The following SESTD1 variants were observed in gnomAD, a reference collection of about 807,000 sequenced individuals.
SESTD1 encodes the protein SEC14 and spectrin domain containing 1, also known as SEC14 domain and spectrin repeat-containing protein 1.
A neutral mutation model predicts 101.7 loss-of-function variants in SESTD1; 43 were observed. That is an observed-to-expected ratio of 0.42 (90% CI 0.33 to 0.55). The LOEUF (loss-of-function observed/expected upper bound fraction) is 0.55. SESTD1 is among the 20% of genes least tolerant of loss of function. The pLI is 0.07. For synonymous variants in SESTD1, 283 were observed against 286.8 expected (o/e 0.99, Z 0.13); for missense variants, 647 against 815.1 (o/e 0.79, Z 2.51).
At chr2:179,263,469 T>C (rs1035130983) in intron 1 of SESTD1, among the ~76,000 whole-genome samples, 3 of 152,132 alleles carry the variant, frequency 2.0e-5, no homozygotes, top group Non-Finnish European at 4.4e-5. Context: ...TAGGTATGTA[T>C]AAGGATTAGG....
At chr2:179,169,495 G>A (rs1200992801) in intron 5 of SESTD1, among the ~76,000 whole-genome samples, 1 of 152,038 alleles carries the variant, frequency 6.6e-6, no homozygotes, top group Non-Finnish European at 1.5e-5. Context: ...ATAACAGTTG[G>A]AGGTTGCAAT....
In SESTD1 at chr2:179,158,033, A is replaced by G. The variant is rs536911825; in HGVS notation, c.370-6642T>C. ...CAAATGATTTCCAAACCCTTTTACT[A>G]GGGAAAAAACACCATTATTTTACAA... is the stretch of plus-strand genomic sequence containing the variant. On this transcript the variant is annotated intron_variant, in intron 5 of 17. Coordinates refer to ENST00000428443, the MANE Select transcript of SESTD1 (RefSeq NM_178123.5). Among the ~76,000 whole-genome samples the G allele has an allele frequency of 2.0e-5, 3 of 152,240 alleles. No homozygotes were observed. The South Asian group carries it at 6.2e-4, about 32-fold the overall frequency.
chr2:179,155,927 A>G (rs1575448486), intron 5 of SESTD1, among the ~76,000 whole-genome samples: 1 of 152,040 alleles, frequency 6.6e-6, no homozygotes, highest in Non-Finnish European at 1.5e-5. Context: ...AGTCTATTTT[A>G]TCATTCTTAT....
At chr2:179,127,128 A>C (rs2044891436) in intron 10 of SESTD1, among the ~76,000 whole-genome samples, 1 of 152,016 alleles carries the variant, frequency 6.6e-6, no homozygotes, top group Non-Finnish European at 1.5e-5. Flanking sequence ...ACTTCCTCTA[A>C]AACTTTATTT....
chr2:179,124,317 T>C (rs766039179), intron 11 of SESTD1, 47 bp downstream of exon 11: 178 of 1,556,130 alleles, frequency 1.1e-4, no homozygotes, highest in Non-Finnish European at 1.1e-4. Context: ...TGTAGGTAAG[T>C]GTTCAGATAA....
chr2:179,248,619 C>T (rs1365947798), intron 1 of SESTD1, among the ~76,000 whole-genome samples: 1 of 151,462 alleles, frequency 6.6e-6, no homozygotes, highest in Non-Finnish European at 1.5e-5. Context: ...ATCACATAAT[C>T]ATGAACTCTT....
intron 9 of SESTD1, among the ~76,000 whole-genome samples, chr2:179,136,631 A>C (rs2045151796): frequency 1.3e-5 from 2 of 152,192 alleles, no homozygotes; most frequent in South Asian, 4.1e-4. Flanking sequence ...AAGTTCTAAA[A>C]ATAAAAGTGG....
intron 1 of SESTD1, among the ~76,000 whole-genome samples, chr2:179,232,969 A>G (rs2047008089): frequency 6.6e-6 from 1 of 152,210 alleles, no homozygotes; most frequent in South Asian, 2.1e-4. Context: ...TTCTGTGTAT[A>G]GCTTTCTGTA....
intron 5 of SESTD1, among the ~76,000 whole-genome samples, chr2:179,164,929 G>A (rs1294009597): frequency 6.6e-6 from 1 of 152,090 alleles, no homozygotes; most frequent in African/African-American, 2.4e-5. Flanking sequence ...TCTTAACGAA[G>A]TTTTTAAAAT....
In SESTD1 at chr2:179,261,988, T is replaced by C. The variant is rs146923463; in HGVS notation, c.-26+2511A>G. ...AACCCAAATGCCCATCAGTTGAAGA[T>C]TGGATAAACAAAATGTGGCATAGCC... On this transcript the variant is annotated intron_variant, in intron 1 of 17. Transcript: ENST00000428443. 4.5e-3 allele frequency among the ~76,000 whole-genome samples: 679 copies of C among 152,230 alleles called. 7 individuals carry two copies. The highest frequency in any genetic ancestry group is 0.015 in the African/African-American group (619 of 41,548).
intron 1 of SESTD1, among the ~76,000 whole-genome samples, chr2:179,239,683 G>A (rs1358961057): frequency 6.6e-6 from 1 of 152,072 alleles, no homozygotes; most frequent in African/African-American, 2.4e-5. Context: ...AAAACCACTG[G>A]CCAAGTCTTT....
intron 1 of SESTD1, among the ~76,000 whole-genome samples, chr2:179,218,807 C>T (rs976110381): frequency 6.6e-6 from 1 of 152,156 alleles, no homozygotes; most frequent in Non-Finnish European, 1.5e-5. Context: ...GAGACCACGT[C>T]ATTTATTTTT....
At chr2:179,261,206 G>A (rs898796238) in intron 1 of SESTD1, among the ~76,000 whole-genome samples, 1 of 152,180 alleles carries the variant, frequency 6.6e-6, no homozygotes, top group African/African-American at 2.4e-5. Flanking sequence ...TTGAAAATGC[G>A]TAATAAAATC....
At chr2:179,250,401 T>G (rs989503812) in intron 1 of SESTD1, among the ~76,000 whole-genome samples, 1 of 152,218 alleles carries the variant, frequency 6.6e-6, no homozygotes, top group African/African-American at 2.4e-5. Flanking sequence ...GATCACTCAT[T>G]GTATTATTCT....
At chr2:179,241,858 C>A (rs2047158749) in intron 1 of SESTD1, among the ~76,000 whole-genome samples, 2 of 150,930 alleles carry the variant, frequency 1.3e-5, no homozygotes, top group South Asian at 4.2e-4. Flanking sequence ...GGAGGCGGAG[C>A]CTGCAGTGAG....
chr2:179,149,420 C>T, intron 6 of SESTD1, 26 bp from the exon 7 acceptor site: 2 of 1,437,810 alleles, frequency 1.4e-6, no homozygotes, highest in Non-Finnish European at 1.9e-6. Context: ...TATTAACATA[C>T]TAAGAACAGT....
At chr2:179,240,950 A>C (rs1421138947) in intron 1 of SESTD1, among the ~76,000 whole-genome samples, 2 of 152,192 alleles carry the variant, frequency 1.3e-5, no homozygotes, top group Non-Finnish European at 2.9e-5. Context: ...TTCCACAAGG[A>C]ATTATGAACA....
chr2:179,176,829 T>G (rs1309506778), intron 3 of SESTD1, among the ~76,000 whole-genome samples: 2 of 152,194 alleles, frequency 1.3e-5, no homozygotes, highest in Non-Finnish European at 2.9e-5. Context: ...AAAGCAACAT[T>G]CAAACAGTCC....
intron 2 of SESTD1, among the ~76,000 whole-genome samples, chr2:179,187,694 T>G (rs568596306): frequency 6.6e-6 from 1 of 152,088 alleles, no homozygotes; most frequent in African/African-American, 2.4e-5. Context: ...CCATCTCACA[T>G]GTAATGACAA....
Sources: gnomAD v4.1 joint callset for allele counts (sites outside exome capture counted in the v4.1 genomes callset) on GRCh38, gnomAD v4.1.1 for gene constraint, MANE v1.5 for transcripts, NCBI Gene and HGNC (gene_info 2026-07-23, HGNC 2026-07-21) for gene names.